The following ASIC2 variants were observed in gnomAD, a reference collection of about 807,000 sequenced individuals.
ASIC2 encodes acid sensing ion channel subunit 2, also known as acid-sensing ion channel 2.
In ASIC2, 25 loss-of-function variants were observed where a neutral mutation model predicts 57.3. That is an observed-to-expected ratio of 0.44 (90% CI 0.32 to 0.61). The LOEUF (loss-of-function observed/expected upper bound fraction) is 0.61. Ranked by LOEUF, ASIC2 falls within the 20% of genes least tolerant of loss-of-function variation. ASIC2 has a pLI of 0.06. For missense variants in ASIC2, 641 were observed against 738.1 expected, an observed-to-expected ratio of 0.87 and a Z score of 1.52; for synonymous variants, 319 against 307.5, an observed-to-expected ratio of 1.04 and a Z score of -0.39.
At chr17:33,653,765 T>C (rs78943360) in intron 1 of ASIC2, among the ~76,000 whole-genome samples, 2,394 of 152,318 alleles carry the variant, frequency 0.016, 58 homozygotes, top group African/African-American at 0.054. Flanking sequence ...AAACATGGAA[T>C]CTGGAACCCC....
chr17:34,043,855 C>A (rs545210002), intron 1 of ASIC2, among the ~76,000 whole-genome samples: 77 of 152,238 alleles, frequency 5.1e-4, no homozygotes, highest in Non-Finnish European at 9.3e-4. Context: ...TTGGACAGGG[C>A]TGGAACCAAG....
intron 1 of ASIC2, among the ~76,000 whole-genome samples, chr17:33,545,751 C>A (rs111244148): frequency 1.3e-5 from 2 of 152,180 alleles, no homozygotes; most frequent in Non-Finnish European, 2.9e-5. Flanking sequence ...CTATAAAAAT[C>A]CAAACATGTA....
intron 1 of ASIC2, among the ~76,000 whole-genome samples, chr17:33,482,503 T>G: frequency 6.6e-6 from 1 of 152,258 alleles, no homozygotes; most frequent in East Asian, 1.9e-4. Context: ...ATATCCCATA[T>G]TCTCGAGAAG....
At position 33,879,370 on chromosome 17, in the gene ASIC2, G is replaced by A. The variant is rs1018957025; in HGVS notation, c.555+276608C>T. On this transcript the variant is annotated intron_variant, in intron 1 of 9. Transcript: ENST00000359872. ...GCTCTATTCAGAAGACCCATTTCAC[G>A]TGCAGAGACACACATAGGCTCAAAA... 4.6e-5 allele frequency among the ~76,000 whole-genome samples: 7 copies of A among 152,206 alleles called. No homozygotes were observed. The East Asian group carries it at 9.6e-4, about 21-fold the overall frequency.
intron 1 of ASIC2, among the ~76,000 whole-genome samples, chr17:33,265,759 G>C (rs1909435967): frequency 6.6e-6 from 1 of 152,196 alleles, no homozygotes; most frequent in Non-Finnish European, 1.5e-5. Flanking sequence ...GGCTCTCCCA[G>C]TCCTGGGCTT....
chr17:33,192,930 G>A (rs1167760432), intron 1 of ASIC2, among the ~76,000 whole-genome samples: 3 of 151,930 alleles, frequency 2.0e-5, no homozygotes. Context: ...AATACCTCTG[G>A]CCATACATAT....
intron 1 of ASIC2, among the ~76,000 whole-genome samples, chr17:33,380,245 C>CAAAAAAAAAAAAAAAAAAAAAAAAAAAAA (rs10586872): frequency 1.4e-4 from 10 of 71,060 alleles, no homozygotes; most frequent in East Asian, 4.7e-4. Context: ...AACCCTGTCT[C>CAAAAAAAAAAAAAAAAAAAAAAAAAAAAA]AAAAAAAAAA....
rs746903586 is a variant in ASIC2, at chr17:33,218,182, C to T, written c.708+73226G>A. ...AACTGTGGGCTGTGTTCTCAGTCTG[C>T]CCCTCTGCAGTGCAACGGCTGCCTC... On this transcript the variant is annotated intron_variant, in intron 1 of 9. Coordinates refer to ENST00000225823, the MANE Select transcript of ASIC2 (RefSeq NM_183377.2). 2.0e-5 allele frequency among the ~76,000 whole-genome samples: 3 copies of T among 152,326 alleles called. No individual in the cohort carries two copies. In the South Asian group the frequency reaches 6.2e-4, roughly 32 times the overall value.
chr17:33,655,449 T>C (rs1301514053), intron 1 of ASIC2, among the ~76,000 whole-genome samples: 1 of 152,220 alleles, frequency 6.6e-6, no homozygotes, highest in Non-Finnish European at 1.5e-5. Flanking sequence ...CCCACTGCAT[T>C]CCTTCTAGCT....
chr17:33,905,141 CTTTTTTTTTTTTT>C (rs57064859), intron 1 of ASIC2, among the ~76,000 whole-genome samples: 1 of 87,888 alleles, frequency 1.1e-5, no homozygotes, highest in Non-Finnish European at 2.2e-5. Flanking sequence ...TAGTTTAAGG[CTTTTTTTTTTTTT>C]TTTTTTTTTT....
chr17:33,295,669 T>C (rs1905693356), upstream of ASIC2, among the ~76,000 whole-genome samples: 1 of 152,186 alleles, frequency 6.6e-6, no homozygotes, highest in African/African-American at 2.4e-5. Flanking sequence ...TTCATATTTG[T>C]ATCCCTACCT....
chr17:33,024,354 C>A (rs1318502182), intron 5 of ASIC2, among the ~76,000 whole-genome samples: 1 of 152,166 alleles, frequency 6.6e-6, no homozygotes, highest in Admixed American at 6.5e-5. Flanking sequence ...AATGATCCAC[C>A]ATCAAAGCAA....
chr17:33,294,388 G>A (rs555132094), upstream of ASIC2, among the ~76,000 whole-genome samples: 3 of 152,106 alleles, frequency 2.0e-5, no homozygotes, highest in South Asian at 6.2e-4. Context: ...TCTTTGTAAT[G>A]ATGAATTAGG....
chr17:33,999,419 T>C (rs1490759394), intron 1 of ASIC2, among the ~76,000 whole-genome samples: 4 of 152,180 alleles, frequency 2.6e-5, no homozygotes, highest in Admixed American at 2.6e-4. Context: ...TTTCTGATTG[T>C]TTTGTAGTTT....
Position 34,037,739 on chromosome 17 carries a change from T to C in ASIC2, c.555+118239A>G. 5 of 1,614,210 alleles carry C rather than the reference T, an allele frequency of 3.1e-6. 1 individual carries two copies. The highest frequency in any genetic ancestry group is 4.2e-6 in the Non-Finnish European group (5 of 1,180,046). ...CAACAAGTAGGGATCACAGGCCAGC[T>C]GCTGGACATCAATGCGGTCCTCCTT... On this transcript the variant is annotated intron_variant, in intron 1 of 9. Transcript: ENST00000359872.
intron 1 of ASIC2, among the ~76,000 whole-genome samples, chr17:33,459,890 A>C (rs1005785507): frequency 1.3e-5 from 2 of 152,128 alleles, no homozygotes; most frequent in African/African-American, 4.8e-5. Flanking sequence ...CCTCTTCTTT[A>C]GAGTGTTAAG....
intron 1 of ASIC2, among the ~76,000 whole-genome samples, chr17:33,973,797 G>A (rs921165482): frequency 3.1e-5 from 3 of 98,148 alleles, no homozygotes; most frequent in South Asian, 3.6e-4. Flanking sequence ...CTGGGTAAGC[G>A]TATTTGCTGT....
chr17:33,797,531 A>G (rs2142141583), intron 1 of ASIC2, among the ~76,000 whole-genome samples: 1 of 152,318 alleles, frequency 6.6e-6, no homozygotes, highest in Non-Finnish European at 1.5e-5. Flanking sequence ...ATTTCAGTCT[A>G]ATTTTGTTGG....
chr17:33,035,630 T>G (rs1375731328), intron 3 of ASIC2, among the ~76,000 whole-genome samples: 2 of 152,214 alleles, frequency 1.3e-5, no homozygotes, highest in African/African-American at 2.4e-5. Context: ...GAACAACACT[T>G]CTGGGTTTAA....
Sources: allele counts gnomAD v4.1 joint callset (sites outside exome capture counted in the v4.1 genomes callset), GRCh38; gene constraint gnomAD v4.1.1; transcripts MANE v1.5; gene names NCBI Gene and HGNC (gene_info 2026-07-23, HGNC 2026-07-21).